The following GALK2 variants were observed in gnomAD, a reference collection of about 807,000 sequenced individuals.
GALK2 encodes the protein N-acetylgalactosamine kinase.
A neutral mutation model predicts 52.4 loss-of-function variants in GALK2; 36 were observed. The observed-to-expected ratio is 0.69, with a 90% CI of 0.53 to 0.91. GALK2 has a LOEUF of 0.91. Ranked by LOEUF, GALK2 falls within the 40% of genes least tolerant of loss-of-function variation. GALK2 has a pLI of 0.00. For synonymous variants in GALK2, 176 were observed against 199.1 expected (o/e 0.88, Z 0.98); for missense variants, 579 against 559.1 (o/e 1.04, Z -0.36).
intron 1 of GALK2, among the ~76,000 whole-genome samples, chr15:49,190,288 A>AT (rs573125342): frequency 1.6e-4 from 24 of 150,974 alleles, no homozygotes; most frequent in East Asian, 7.8e-4. Flanking sequence ...AATGCAAATG[A>AT]TTTTTTTTTT....
intron 5 of GALK2, among the ~76,000 whole-genome samples, chr15:49,243,793 G>A (rs1396931598): frequency 1.3e-5 from 2 of 151,996 alleles, no homozygotes; most frequent in East Asian, 3.9e-4. Context: ...TAGAGCTTTT[G>A]CATATTAAAA....
At chr15:49,259,737 AC>A (rs1205364681) in intron 5 of GALK2, among the ~76,000 whole-genome samples, 1 of 78,680 alleles carries the variant, frequency 1.3e-5, no homozygotes, top group Admixed American at 1.4e-4. Flanking sequence ...CCCTCCCCCA[AC>A]CCCACCACAG....
At chr15:49,266,632 C>G (rs1309701625) in intron 5 of GALK2, among the ~76,000 whole-genome samples, 2 of 152,222 alleles carry the variant, frequency 1.3e-5, no homozygotes, top group African/African-American at 4.8e-5. Flanking sequence ...AAAACTGACT[C>G]TTTCCCCATT....
At chr15:49,298,671 T>C (rs145266860) in intron 8 of GALK2, among the ~76,000 whole-genome samples, 1 of 152,260 alleles carries the variant, frequency 6.6e-6, no homozygotes, top group African/African-American at 2.4e-5. Flanking sequence ...GATGATCATA[T>C]GGTTTTTGTT....
chr15:49,347,030 T>C lies in GALK2; in HGVS notation c.427-20461T>C, dbSNP rs151269402. On this transcript the variant is annotated intron_variant, in intron 3 of 3. Coordinates refer to the GALK2 transcript ENST00000558399. Reference sequence around the variant, plus strand: ...CTTACTCTATAGGAAATAACATCATTGTTGGAATCTTACCCAGATTCTAAA... The same window carrying C: ...CTTACTCTATAGGAAATAACATCATCGTTGGAATCTTACCCAGATTCTAAA... Among the ~76,000 whole-genome samples, 290 of 152,348 alleles carry C rather than the reference T, an allele frequency of 1.9e-3. 2 individuals are homozygous for C. Among genetic ancestry groups the C allele is most frequent in the African/African-American group, 6.5e-3 (269 of 41,586 alleles).
intron 1 of GALK2, among the ~76,000 whole-genome samples, chr15:49,186,393 A>G (rs897351439): frequency 1.3e-5 from 2 of 151,990 alleles, no homozygotes; most frequent in Non-Finnish European, 2.9e-5. Context: ...CAATTCTGCT[A>G]TTGAGTGACT....
intron 1 of GALK2, among the ~76,000 whole-genome samples, chr15:49,183,944 C>T (rs543980552): frequency 8.7e-4 from 132 of 151,956 alleles, no homozygotes; most frequent in Non-Finnish European, 1.6e-3. Context: ...ATTCTGCCAC[C>T]GTTGGATGAA....
chr15:49,267,285 C>T (rs1008787808), intron 5 of GALK2, among the ~76,000 whole-genome samples: 1 of 152,140 alleles, frequency 6.6e-6, no homozygotes, highest in Admixed American at 6.5e-5. Flanking sequence ...AGGATTCTTG[C>T]TGAATGCAGG....
At chr15:49,182,737 A>T (rs1039091859) in intron 1 of GALK2, among the ~76,000 whole-genome samples, 2 of 152,112 alleles carry the variant, frequency 1.3e-5, no homozygotes, top group Admixed American at 1.3e-4. Context: ...TTCTCTGACT[A>T]TCAGTGATGT....
At chr15:49,319,869 A>C in intron 9 of GALK2, 64 bp downstream of exon 9, 1 of 1,375,926 alleles carries the variant, frequency 7.3e-7, no homozygotes, top group Non-Finnish European at 1.0e-6. Flanking sequence ...TAATGGAAAA[A>C]AATGCAACAT....
At chr15:49,236,986 C>T (rs1215582138) in intron 4 of GALK2, among the ~76,000 whole-genome samples, 1 of 152,140 alleles carries the variant, frequency 6.6e-6, no homozygotes, top group Non-Finnish European at 1.5e-5. Flanking sequence ...ATGGTAATAA[C>T]TTACAGGAAA....
chr15:49,247,970 T>C (rs1566976065), intron 5 of GALK2, among the ~76,000 whole-genome samples: 1 of 152,210 alleles, frequency 6.6e-6, no homozygotes, highest in Non-Finnish European at 1.5e-5. Flanking sequence ...TGAAACCTGT[T>C]CTGTACTGGA....
chr15:49,213,495 T>C (rs1018983389), intron 2 of GALK2, among the ~76,000 whole-genome samples: 4 of 152,200 alleles, frequency 2.6e-5, no homozygotes, highest in Non-Finnish European at 4.4e-5. Flanking sequence ...TTTGTCCTAA[T>C]GCTCTTCCTC....
chr15:49,189,489 C>G (rs2086579558), intron 1 of GALK2, among the ~76,000 whole-genome samples: 1 of 151,990 alleles, frequency 6.6e-6, no homozygotes, highest in Non-Finnish European at 1.5e-5. Context: ...TTGCTTTTTT[C>G]CTATATATAA....
At chr15:49,260,121 G>A (rs1001899052) in intron 5 of GALK2, among the ~76,000 whole-genome samples, 3 of 152,054 alleles carry the variant, frequency 2.0e-5, no homozygotes. Flanking sequence ...GGGTGAAATG[G>A]TATTTCTAGT....
chr15:49,256,483 G>A (rs2091820271), intron 5 of GALK2, among the ~76,000 whole-genome samples: 1 of 152,102 alleles, frequency 6.6e-6, no homozygotes, highest in African/African-American at 2.4e-5. Context: ...ATCTTTTCAG[G>A]TTTCTCTAGT....
At chr15:49,177,834 G>A (rs2085583613) in intron 1 of GALK2, 1 of 282,480 alleles carries the variant, frequency 3.5e-6, no homozygotes, top group African/African-American at 2.2e-5. Context: ...CAAACATTTT[G>A]TATGTTGAAT....
At chr15:49,294,543 G>GGAGA (rs1327145416) in intron 8 of GALK2, among the ~76,000 whole-genome samples, 1 of 152,098 alleles carries the variant, frequency 6.6e-6, no homozygotes, top group African/African-American at 2.4e-5. Context: ...TATTGGATAG[G>GGAGA]GAGAGGTTCA....
intron 1 of GALK2, among the ~76,000 whole-genome samples, chr15:49,159,588 A>AAT (rs1045654021): frequency 6.1e-5 from 9 of 147,614 alleles, no homozygotes; most frequent in African/African-American, 2.2e-4. Context: ...AAAAAAAAAA[A>AAT]AAAATAAAAT....
Sources: allele counts gnomAD v4.1 joint callset (sites outside exome capture counted in the v4.1 genomes callset), GRCh38; gene constraint gnomAD v4.1.1; transcripts MANE v1.5; gene names NCBI Gene and HGNC (gene_info 2026-07-23, HGNC 2026-07-21).